Variants in ABRAXAS2 observed in about 807,000 individuals in gnomAD.
ABRAXAS2 encodes BRISC complex subunit Abraxas 2.
A neutral mutation model predicts 49.0 loss-of-function variants in ABRAXAS2; 23 were observed. The ratio of observed to expected loss-of-function variants is 0.47; its 90% CI spans 0.34 to 0.66. ABRAXAS2 has a LOEUF of 0.66. ABRAXAS2 is among the 30% of genes least tolerant of loss of function. The pLI is 0.01. For missense variants in ABRAXAS2, 443 were observed against 511.9 expected (o/e 0.87, Z 1.30); for synonymous variants, 168 against 180.2 (o/e 0.93, Z 0.54).
intron 2 of ABRAXAS2, among the ~76,000 whole-genome samples, chr10:124,807,708 C>T (rs1333255329): frequency 3.3e-5 from 5 of 152,190 alleles, no homozygotes; most frequent in Non-Finnish European, 7.3e-5. Flanking sequence ...GAATGTCTAG[C>T]TATAAGTATG....
Position 124,835,345 on chromosome 10 carries a change from CT to C in ABRAXAS2, c.*375del, listed in dbSNP as rs550399253. The C allele has an allele frequency of 1.1e-4, 17 of 158,526 alleles. No homozygotes were observed. In the East Asian group the frequency reaches 3.1e-3, roughly 29 times the overall value. The allele number at this position is 158,526 out of a possible 1,614,324, so 9.8% of individuals were successfully genotyped here. ...ATAAATCAAAAACTTACCTCTTGCA[CT>C]ATCATGCCTTGAAATTTACTTTTTC... On this transcript the variant is annotated 3_prime_UTR_variant, in exon 9 of 9. Coordinates refer to ENST00000298492, the MANE Select transcript of ABRAXAS2 (RefSeq NM_032182.4).
intron 5 of ABRAXAS2, among the ~76,000 whole-genome samples, chr10:124,827,241 C>G (rs1178976340): frequency 6.7e-6 from 1 of 149,968 alleles, no homozygotes; most frequent in African/African-American, 2.5e-5. Context: ...CTCACTGCAA[C>G]CTCTGCTTCC....
intron 2 of ABRAXAS2, among the ~76,000 whole-genome samples, chr10:124,815,773 A>G (rs1006084165): frequency 2.0e-5 from 3 of 151,978 alleles, no homozygotes; most frequent in Non-Finnish European, 4.4e-5. Context: ...AAGGGTTAAT[A>G]GACTTCCAGA....
intron 1 of ABRAXAS2, among the ~76,000 whole-genome samples, chr10:124,805,205 C>T (rs971701008): frequency 5.3e-5 from 8 of 151,830 alleles, no homozygotes; most frequent in Non-Finnish European, 8.8e-5. Context: ...CGGTGGCGGG[C>T]GCCTGTAGTC....
intron 3 of ABRAXAS2, among the ~76,000 whole-genome samples, chr10:124,818,318 C>A (rs1950838159): frequency 6.6e-6 from 1 of 151,396 alleles, no homozygotes. Context: ...ATGGCATGAA[C>A]CTGGGAGGTG....
rs1950964749 is a variant in ABRAXAS2 at position 124,835,653 on chromosome 10, ATAAAT to A, written c.*686_*690del. On this transcript the variant is annotated 3_prime_UTR_variant, in exon 9 of 9. Coordinates refer to ENST00000298492, the MANE Select transcript of ABRAXAS2 (RefSeq NM_032182.4). ...ATCATCCAAATAAATACGTCATAAA[ATAAAT>A]TAATTATTTTTTCTTTGATGGATTA... The A allele has an allele frequency of 6.6e-6, 1 of 152,334 alleles. No homozygotes were observed. Among genetic ancestry groups the A allele is most frequent in the African/African-American group, 2.4e-5 (1 of 41,460 alleles). 9.4% of individuals were successfully genotyped at this position (152,334 alleles called of 1,614,324 possible). A position where few individuals can be genotyped will look rare whatever the true frequency, so the allele number is the denominator to read the frequency against.
intron 2 of ABRAXAS2, among the ~76,000 whole-genome samples, chr10:124,810,227 A>G (rs1252885554): frequency 1.3e-5 from 2 of 152,202 alleles, no homozygotes; most frequent in South Asian, 4.1e-4. Context: ...AGACTTATTT[A>G]CTAAGTAAAG....
chr10:124,835,207 G>C lies in ABRAXAS2; in HGVS notation c.*236G>C. The stretch of plus-strand genomic sequence containing the variant: ...AATCAAATTGTCCTAATTCTGGTGC[G>C]ATTCATGGATATACTGGTAAATTTA... On this transcript the variant is annotated 3_prime_UTR_variant, in exon 9 of 9. Coordinates refer to ENST00000298492, the MANE Select transcript of ABRAXAS2 (RefSeq NM_032182.4). 2.6e-6 allele frequency: 1 copy of C among 390,980 alleles called. No individual in the cohort carries two copies. The highest frequency in any genetic ancestry group is 4.6e-6 in the Non-Finnish European group (1 of 219,534). The allele number at this position is 390,980 out of a possible 1,614,324, so 24.2% of individuals were successfully genotyped here. A position where few individuals can be genotyped will look rare whatever the true frequency, so the allele number is the denominator to read the frequency against.
At position 124,829,454 on chromosome 10, in the gene ABRAXAS2, A is replaced by G; in HGVS notation, c.640A>G (p.Asn214Asp). 6.2e-7 allele frequency: 1 copy of G among 1,608,912 alleles called. No homozygotes were observed. Among genetic ancestry groups the G allele is most frequent in the Non-Finnish European group, 8.5e-7 (1 of 1,176,628 alleles). ...CATCAGGGCGATTTATCAGGTTTAT[A>G]ATGCACTTCAGGAGAAAGTTCAGGT... ...KDIRAIYQVY[N>D]ALQEKVQAVC... Residue 214 changes from asparagine (N) to aspartate (D), a missense_variant, in exon 7 of 9, where the codon AAT becomes GAT. By Grantham distance (23) the Asn-to-Asp change is conservative (BLOSUM62 1). Transcript: ENST00000298492.
At chr10:124,811,581 A>C (rs1321701720) in intron 2 of ABRAXAS2, among the ~76,000 whole-genome samples, 1 of 151,804 alleles carries the variant, frequency 6.6e-6, no homozygotes, top group Non-Finnish European at 1.5e-5. Flanking sequence ...ACTAAAAGAT[A>C]TAAAAAATTA....
intron 4 of ABRAXAS2, among the ~76,000 whole-genome samples, chr10:124,823,636 A>G (rs1564923118): frequency 6.6e-6 from 1 of 152,260 alleles, no homozygotes; most frequent in South Asian, 2.1e-4. Context: ...TGCCTAGCAT[A>G]GAGAATAGTC....
rs1439864944 is a variant in ABRAXAS2, at chr10:124,826,611, A to C, written c.284A>C (p.Tyr95Ser). The C allele has an allele frequency of 1.9e-6, 3 of 1,613,244 alleles. No homozygotes were observed. The highest frequency in any genetic ancestry group is 2.5e-6 in the Non-Finnish European group (3 of 1,179,618). ...KDRRKKVIGW[Y>S]RFRRNTQQQM... ...TTCTTTCAGAAAGTCATTGGGTGGT[A>C]CAGATTCCGGCGCAATACGCAGCAG... The change falls in exon 5 of 9, where the codon TAC becomes TCC. Residue 95 changes from tyrosine to serine, a missense_variant. Tyr to Ser is a moderately radical substitution (Grantham distance 144, BLOSUM62 -2). This residue lies in a region of ABRAXAS2 where 166 missense variants were observed against 247.3 expected (regional missense o/e 0.67). Coordinates refer to ENST00000298492, the MANE Select transcript of ABRAXAS2 (RefSeq NM_032182.4).
At chr10:124,819,538 A>G in intron 4 of ABRAXAS2, 88 bp downstream of exon 4, 1 of 1,211,230 alleles carries the variant, frequency 8.3e-7, no homozygotes, top group Non-Finnish European at 1.2e-6. Flanking sequence ...AAATGGAACA[A>G]TAAGATTTCA....
chr10:124,829,357 TA>T, intron 6 of ABRAXAS2, 35 bp from the exon 7 acceptor site: 1 of 1,425,712 alleles, frequency 7.0e-7, no homozygotes, highest in Non-Finnish European at 9.9e-7. Flanking sequence ...GCAGTTATGA[TA>T]ACCTTGAGGC....
intron 2 of ABRAXAS2, among the ~76,000 whole-genome samples, chr10:124,814,435 C>T (rs893884406): frequency 4.6e-5 from 7 of 150,830 alleles, no homozygotes; most frequent in Admixed American, 1.3e-4. Flanking sequence ...CTGCAACCTC[C>T]GCCTCCTGGG....
intron 6 of ABRAXAS2, among the ~76,000 whole-genome samples, chr10:124,829,118 A>G (rs147994048): frequency 8.5e-5 from 13 of 152,348 alleles, no homozygotes; most frequent in African/African-American, 2.9e-4. Flanking sequence ...AATTGATACA[A>G]AAGTTTTGGA....
chr10:124,806,837 T>G lies in ABRAXAS2; in HGVS notation c.79T>G (p.Phe27Val). Residue 27 changes from phenylalanine to valine, a missense_variant, in exon 2 of 9, where the codon TTT becomes GTT. Phe to Val is a conservative substitution (Grantham distance 50). Transcript: ENST00000298492. ...SANSNADHEG[F>V]LLGEVRQEET... ...TTTCTTTAATTACTTTTAGGAAGGA[T>G]TTTTACTGGGAGAGGTAAGACAAGA... 1 of 1,600,422 alleles carries G rather than the reference T, an allele frequency of 6.2e-7. No individual in the cohort carries two copies. The highest frequency in any genetic ancestry group is 1.7e-5 in the Admixed American group (1 of 58,204).
intron 2 of ABRAXAS2, among the ~76,000 whole-genome samples, chr10:124,814,678 C>T (rs1199396400): frequency 6.6e-6 from 1 of 151,002 alleles, no homozygotes; most frequent in Non-Finnish European, 1.5e-5. Context: ...GAGACAGAGT[C>T]TTGCTCTGTC....
intron 3 of ABRAXAS2, among the ~76,000 whole-genome samples, chr10:124,818,075 T>G: frequency 6.6e-6 from 1 of 152,128 alleles, no homozygotes; most frequent in South Asian, 2.1e-4. Context: ...AGCAAAGTAG[T>G]ACCAGAACAA....
Sources: allele counts gnomAD v4.1 joint callset (sites outside exome capture counted in the v4.1 genomes callset), GRCh38; gene constraint gnomAD v4.1.1; regional missense constraint gnomAD v4.1.1; transcripts MANE v1.5; gene names NCBI Gene and HGNC (gene_info 2026-07-23, HGNC 2026-07-21).